Variants in ANAPC10 observed in about 807,000 individuals in gnomAD.
ANAPC10 encodes the protein anaphase promoting complex subunit 10, also known as anaphase-promoting complex subunit 10.
ANAPC10 carries 12 observed loss-of-function variants against 22.0 expected under a neutral mutation model. The ratio of observed to expected loss-of-function variants is 0.55; its 90% CI spans 0.35 to 0.88. The LOEUF (loss-of-function observed/expected upper bound fraction) is 0.88. ANAPC10 is among the 40% of genes least tolerant of loss of function. The pLI is 0.01. For synonymous variants in ANAPC10, 65 were observed against 69.5 expected (o/e 0.94, Z 0.32); for missense variants, 188 against 220.9 (o/e 0.85, Z 0.94).
At chr4:144,996,933 T>C (rs1026477383) in intron 4 of ANAPC10, among the ~76,000 whole-genome samples, 1 of 152,128 alleles carries the variant, frequency 6.6e-6, no homozygotes, top group African/African-American at 2.4e-5. Context: ...GAGAACTATG[T>C]GACGCATGCA....
Position 145,029,812 on chromosome 4 carries a change from C to T in ANAPC10, c.328-34209G>A, listed in dbSNP as rs1231868767. ...GATTAGTCACTTTAGACCTACTCAT[C>T]CCAGCTGGGAGGGTCCAGAAGATAT... is the stretch of plus-strand genomic sequence containing the variant. On this transcript the variant is annotated intron_variant, in intron 4 of 4. Transcript: ENST00000507656. Among the ~76,000 whole-genome samples, 7 of 152,068 alleles carry T rather than the reference C, an allele frequency of 4.6e-5. No individual in the cohort carries two copies. In the East Asian group the frequency reaches 1.4e-3, roughly 29 times the overall value.
intron 4 of ANAPC10, among the ~76,000 whole-genome samples, chr4:145,054,632 TGTGTGTGTGC>T (rs767356853): frequency 0.016 from 1,788 of 109,988 alleles, 32 homozygotes; most frequent in Admixed American, 0.052. Flanking sequence ...TGTGTGTGTG[TGTGTGTGTGC>T]GCGCGCGCGC....
At chr4:145,071,439 G>A (rs1473875107) in intron 3 of ANAPC10, among the ~76,000 whole-genome samples, 1 of 151,822 alleles carries the variant, frequency 6.6e-6, no homozygotes, top group East Asian at 1.9e-4. Context: ...GGCTATAACA[G>A]TAAACTTATA....
chr4:145,052,320 T>G (rs1741236023), intron 4 of ANAPC10, among the ~76,000 whole-genome samples: 1 of 152,146 alleles, frequency 6.6e-6, no homozygotes. Flanking sequence ...CTTGATTTAG[T>G]CAGTCTACAA....
chr4:145,032,338 C>A (rs1737721706), intron 4 of ANAPC10, among the ~76,000 whole-genome samples: 1 of 152,362 alleles, frequency 6.6e-6, no homozygotes, highest in African/African-American at 2.4e-5. Context: ...CAATTATACA[C>A]TGATTCATGG....
intron 4 of ANAPC10, among the ~76,000 whole-genome samples, chr4:145,050,233 G>A (rs1203257707): frequency 1.3e-5 from 2 of 152,108 alleles, no homozygotes; most frequent in African/African-American, 4.8e-5. Flanking sequence ...AAAGCTCTTG[G>A]GTGACTATGT....
chr4:145,080,879 C>T (rs1323365182), intron 3 of ANAPC10, among the ~76,000 whole-genome samples: 1 of 149,668 alleles, frequency 6.7e-6, no homozygotes, highest in East Asian at 2.0e-4. Context: ...TGCACTCCAG[C>T]CCGGGCAACA....
At chr4:145,083,224 T>A (rs1746347917) in intron 2 of ANAPC10, among the ~76,000 whole-genome samples, 1 of 152,312 alleles carries the variant, frequency 6.6e-6, no homozygotes, top group East Asian at 1.9e-4. Context: ...ATTTTATATA[T>A]GTTAAATAAT....
At chr4:145,083,742 A>G (rs901847976) in intron 2 of ANAPC10, among the ~76,000 whole-genome samples, 3 of 152,196 alleles carry the variant, frequency 2.0e-5, no homozygotes, top group African/African-American at 7.2e-5. Context: ...TTGTTGCTAG[A>G]TAATTTTAAA....
At chr4:145,091,620 C>T (rs1747696090) in intron 2 of ANAPC10, among the ~76,000 whole-genome samples, 1 of 151,986 alleles carries the variant, frequency 6.6e-6, no homozygotes, top group Non-Finnish European at 1.5e-5. Flanking sequence ...GGGTTGATTC[C>T]ACATCTTTGC....
At chr4:145,071,971 A>G (rs942931983) in intron 3 of ANAPC10, among the ~76,000 whole-genome samples, 2 of 152,128 alleles carry the variant, frequency 1.3e-5, no homozygotes, top group African/African-American at 2.4e-5. Flanking sequence ...ATACTAGCAG[A>G]TCTAACAAAT....
chr4:145,022,000 C>A (rs1736025061), intron 4 of ANAPC10, among the ~76,000 whole-genome samples: 1 of 152,066 alleles, frequency 6.6e-6, no homozygotes, highest in Middle Eastern at 3.4e-3. Context: ...TGGCCATAAT[C>A]AAAAAATCAG....
intron 4 of ANAPC10, chr4:145,053,809 G>A (rs367570508): frequency 4.6e-5 from 29 of 632,904 alleles, no homozygotes; most frequent in South Asian, 4.0e-4. Context: ...TCCTGACTAG[G>A]CTCACCTCTA....
rs1343774253 is a variant in ANAPC10, at chr4:145,026,957, G to GTGTATA, written c.328-31355_328-31354insTATACA. ...TATATATATATATATGTGTGTGTGT[G>GTGTATA]TATATATATATATATATATATATAT... On this transcript the variant is annotated intron_variant, in intron 4 of 4. Coordinates refer to ENST00000507656, the MANE Select transcript of ANAPC10 (RefSeq NM_001256706.2). Among the ~76,000 whole-genome samples, 38 of 18,348 alleles carry GTGTATA rather than the reference G, an allele frequency of 2.1e-3. 2 individuals carry two copies. The highest frequency in any genetic ancestry group is 1.9e-3 in the Non-Finnish European group (23 of 12,064). The allele number at this position is 18,348 out of a possible 152,430, so 12.0% of individuals were successfully genotyped here. A position where few individuals can be genotyped will look rare whatever the true frequency, so the allele number is the denominator to read the frequency against.
intron 3 of ANAPC10, among the ~76,000 whole-genome samples, chr4:145,074,023 C>G (rs1744850830): frequency 6.6e-6 from 1 of 151,802 alleles, no homozygotes; most frequent in South Asian, 2.1e-4. Context: ...CTAAATTACT[C>G]CCCAATTTTC....
chr4:144,997,117 A>G (rs1400935741), intron 4 of ANAPC10, among the ~76,000 whole-genome samples: 2 of 152,222 alleles, frequency 1.3e-5, no homozygotes, highest in African/African-American at 2.4e-5. Context: ...TCTGATTGGT[A>G]TACCTGAAAG....
chr4:145,051,754 A>T (rs1431966678), intron 4 of ANAPC10, among the ~76,000 whole-genome samples: 1 of 152,204 alleles, frequency 6.6e-6, no homozygotes, highest in Non-Finnish European at 1.5e-5. Context: ...CATTCTATAT[A>T]AACTATATAT....
At chr4:145,085,558 A>G (rs1346558977) in intron 2 of ANAPC10, among the ~76,000 whole-genome samples, 1 of 152,170 alleles carries the variant, frequency 6.6e-6, no homozygotes, top group African/African-American at 2.4e-5. Flanking sequence ...AATGCAAAAA[A>G]AAAATTAAAC....
At chr4:145,067,247 CAT>C (rs763746059) in intron 3 of ANAPC10, among the ~76,000 whole-genome samples, 8 of 152,084 alleles carry the variant, frequency 5.3e-5, no homozygotes, top group Non-Finnish European at 7.4e-5. Flanking sequence ...GACTATTACA[CAT>C]AGAGGCAGTA....
Sources: gnomAD v4.1 joint callset for allele counts (sites outside exome capture counted in the v4.1 genomes callset) on GRCh38, gnomAD v4.1.1 for gene constraint, MANE v1.5 for transcripts, NCBI Gene and HGNC (gene_info 2026-07-23, HGNC 2026-07-21) for gene names.